FGF14: variants seen among roughly 807,000 people sequenced by gnomAD.
The protein encoded by FGF14 is fibroblast growth factor homologous factor 4.
A neutral mutation model predicts 25.5 loss-of-function variants in FGF14; 5 were observed. The observed-to-expected ratio is 0.20, with a 90% CI of 0.10 to 0.41. The LOEUF (loss-of-function observed/expected upper bound fraction) is 0.41, where lower values mean the gene tolerates loss of function less well. FGF14 is among the 10% of genes least tolerant of loss of function. FGF14 has a pLI of 1.00. For missense variants in FGF14, 222 were observed against 320.1 expected (o/e 0.69, Z 2.34); for synonymous variants, 138 against 118.3 (o/e 1.17, Z -1.08).
At chr13:102,356,029 G>C (rs60897996) in intron 1 of FGF14, among the ~76,000 whole-genome samples, 3,633 of 152,218 alleles carry the variant, frequency 0.024, 154 homozygotes, top group African/African-American at 0.082. Flanking sequence ...TTGCCATTTA[G>C]AAGTCACTTG....
At chr13:102,272,610 A>T (rs532725043) in intron 1 of FGF14, among the ~76,000 whole-genome samples, 1 of 152,278 alleles carries the variant, frequency 6.6e-6, no homozygotes, top group South Asian at 2.1e-4. Flanking sequence ...ATATGTGTTA[A>T]TTTATTTATT....
At chr13:102,247,778 G>A (rs2051955738) in intron 1 of FGF14, among the ~76,000 whole-genome samples, 3 of 151,934 alleles carry the variant, frequency 2.0e-5, no homozygotes, top group Admixed American at 6.6e-5. Flanking sequence ...TACCATAATG[G>A]CACATGCACA....
At chr13:101,864,403 C>T (rs994890456) in intron 3 of FGF14, among the ~76,000 whole-genome samples, 1 of 152,112 alleles carries the variant, frequency 6.6e-6, no homozygotes, top group Non-Finnish European at 1.5e-5. Context: ...ACCATTGCAG[C>T]AATGCTTGTT....
intron 1 of FGF14, among the ~76,000 whole-genome samples, chr13:102,295,127 T>C (rs1174279086): frequency 6.6e-6 from 1 of 152,192 alleles, no homozygotes; most frequent in Non-Finnish European, 1.5e-5. Flanking sequence ...AAAAATCATG[T>C]TGTCCAACTT....
intron 1 of FGF14, among the ~76,000 whole-genome samples, chr13:101,943,826 A>T (rs9518601): frequency 0.61 from 76,750 of 126,360 alleles, 23,383 homozygotes; most frequent in East Asian, 0.79. Flanking sequence ...AAAAAAAAAA[A>T]ATATATATAT....
chr13:101,855,245 A>G (rs1308357818), intron 3 of FGF14, among the ~76,000 whole-genome samples: 4 of 151,938 alleles, frequency 2.6e-5, no homozygotes, highest in Non-Finnish European at 5.9e-5. Context: ...CTTTTGCACA[A>G]CCTGGGCTTT....
Position 101,868,927 on chromosome 13 carries a change from T to A in FGF14, c.305-99A>T, listed in dbSNP as rs545603436. 98 of 792,276 alleles carry A rather than the reference T, an allele frequency of 1.2e-4. No individual in the cohort carries two copies. In the African/African-American group the frequency reaches 1.4e-3, roughly 12 times the overall value. 49.1% of individuals were successfully genotyped at this position (792,276 alleles called of 1,614,324 possible). The stretch of plus-strand genomic sequence containing the variant: ...TTATTTTATTTAAGAAACATCATCT[T>A]TGCCAATACTTTCTAGAAATTCCAA... On this transcript the variant is annotated intron_variant, in intron 2 of 4. Coordinates refer to ENST00000376143, the MANE Select transcript of FGF14 (RefSeq NM_004115.4).
intron 1 of FGF14, among the ~76,000 whole-genome samples, chr13:102,199,646 G>T (rs2049522720): frequency 1.3e-5 from 2 of 152,040 alleles, no homozygotes; most frequent in Admixed American, 1.3e-4. Context: ...GAGTACAAAA[G>T]ACCTCTAACC....
At chr13:102,068,209 A>T (rs2042983882) in intron 1 of FGF14, among the ~76,000 whole-genome samples, 1 of 152,260 alleles carries the variant, frequency 6.6e-6, no homozygotes, top group Admixed American at 6.5e-5. Context: ...ATAAGAAAAC[A>T]TCTGAAATAA....
intron 1 of FGF14, among the ~76,000 whole-genome samples, chr13:101,929,842 T>A (rs893713178): frequency 6.6e-6 from 1 of 152,248 alleles, no homozygotes; most frequent in Non-Finnish European, 1.5e-5. Context: ...TTTTTTATTC[T>A]TTGCACTTTT....
chr13:101,793,581 T>C (rs572789803), intron 3 of FGF14, among the ~76,000 whole-genome samples: 11 of 152,242 alleles, frequency 7.2e-5, no homozygotes, highest in African/African-American at 2.6e-4. Flanking sequence ...TTCGAATCTT[T>C]TAGGTAAATA....
At chr13:101,959,538 T>C (rs892493226) in intron 1 of FGF14, among the ~76,000 whole-genome samples, 5 of 152,220 alleles carry the variant, frequency 3.3e-5, no homozygotes, top group African/African-American at 1.2e-4. Flanking sequence ...TTCCTCAACA[T>C]GCACTGTATT....
chr13:101,928,829 A>G (rs556717128), intron 1 of FGF14, among the ~76,000 whole-genome samples: 103 of 134,970 alleles, frequency 7.6e-4, no homozygotes, highest in African/African-American at 3.2e-3. Context: ...TCTCCAGAGC[A>G]TTTCTGGAAC....
chr13:101,795,888 G>T (rs1207881145), intron 3 of FGF14, among the ~76,000 whole-genome samples: 3 of 152,084 alleles, frequency 2.0e-5, no homozygotes, highest in Admixed American at 1.3e-4. Flanking sequence ...ATTAAGCATA[G>T]AAATAGCTCT....
At chr13:102,154,272 T>C (rs4080441) in intron 1 of FGF14, among the ~76,000 whole-genome samples, 3,972 of 151,912 alleles carry the variant, frequency 0.026, 172 homozygotes, top group African/African-American at 0.091. Context: ...GAGAGAAAAG[T>C]TGGGTTACCC....
intron 1 of FGF14, among the ~76,000 whole-genome samples, chr13:102,116,799 G>C (rs1280813158): frequency 6.6e-6 from 1 of 152,218 alleles, no homozygotes. Context: ...TTAAAGGTAA[G>C]AGTGGTTAAA....
chr13:102,028,689 C>T (rs1236299513), intron 1 of FGF14, among the ~76,000 whole-genome samples: 1 of 151,872 alleles, frequency 6.6e-6, no homozygotes, highest in African/African-American at 2.4e-5. Flanking sequence ...CCCAAGTTTT[C>T]ATGTCAGGGA....
intron 1 of FGF14, among the ~76,000 whole-genome samples, chr13:102,210,920 AT>A (rs2050131026): frequency 6.6e-6 from 1 of 152,124 alleles, no homozygotes. Flanking sequence ...CGAATGCAGT[AT>A]TGTTTTTATT....
intron 1 of FGF14, among the ~76,000 whole-genome samples, chr13:101,881,722 C>T (rs1232908046): frequency 6.6e-6 from 1 of 152,156 alleles, no homozygotes; most frequent in Non-Finnish European, 1.5e-5. Flanking sequence ...TGCTCCTTCC[C>T]AGAACACAAG....
Sources: gnomAD v4.1 joint callset for allele counts (sites outside exome capture counted in the v4.1 genomes callset) on GRCh38, gnomAD v4.1.1 for gene constraint, MANE v1.5 for transcripts, NCBI Gene and HGNC (gene_info 2026-07-23, HGNC 2026-07-21) for gene names.